SEMA5A: variants seen among roughly 807,000 people sequenced by gnomAD.
SEMA5A encodes semaphorin 5A.
SEMA5A carries 55 observed loss-of-function variants against 135.5 expected under a neutral mutation model. The observed-to-expected ratio is 0.41, with a 90% CI of 0.33 to 0.51. SEMA5A has a LOEUF of 0.51. Ranked by LOEUF, SEMA5A falls within the 20% of genes least tolerant of loss-of-function variation. SEMA5A has a pLI of 0.37. For synonymous variants in SEMA5A, 580 were observed against 546.5 expected (o/e 1.06, Z -0.85); for missense variants, 1,290 against 1,419.9 (o/e 0.91, Z 1.47).
intron 3 of SEMA5A, among the ~76,000 whole-genome samples, chr5:9,360,905 A>G (rs1426747419): frequency 6.6e-6 from 1 of 152,180 alleles, no homozygotes; most frequent in African/African-American, 2.4e-5. Context: ...TAAGTTCTTT[A>G]ACAGCAAAGG....
chr5:9,045,588 G>T (rs1736208184), intron 21 of SEMA5A, among the ~76,000 whole-genome samples: 1 of 152,184 alleles, frequency 6.6e-6, no homozygotes, highest in African/African-American at 2.4e-5. Context: ...CAGCACACAT[G>T]TGTGCTGGTG....
intron 5 of SEMA5A, among the ~76,000 whole-genome samples, chr5:9,265,851 A>G (rs769203483): frequency 6.6e-6 from 1 of 152,174 alleles, no homozygotes; most frequent in African/African-American, 2.4e-5. Flanking sequence ...TTAAGGGCTC[A>G]GCAGGCACAC....
At chr5:9,117,042 T>G (rs1456237634) in intron 15 of SEMA5A, among the ~76,000 whole-genome samples, 2 of 152,226 alleles carry the variant, frequency 1.3e-5, no homozygotes, top group Non-Finnish European at 2.9e-5. Context: ...CATCTATTAT[T>G]TAATTTCACG....
At chr5:9,215,194 A>C (rs1805961) in intron 8 of SEMA5A, among the ~76,000 whole-genome samples, 63,323 of 152,066 alleles carry the variant, frequency 0.42, 13,558 homozygotes, top group South Asian at 0.57. Flanking sequence ...AATGGAGATG[A>C]TATGGCTGAT....
intron 1 of SEMA5A, among the ~76,000 whole-genome samples, chr5:9,541,791 C>G (rs904134456): frequency 6.6e-6 from 1 of 152,196 alleles, no homozygotes; most frequent in Non-Finnish European, 1.5e-5. Context: ...ATTTCATGCA[C>G]AAGGTGAAAT....
At chr5:9,282,992 C>T (rs1750618672) in intron 5 of SEMA5A, among the ~76,000 whole-genome samples, 1 of 152,176 alleles carries the variant, frequency 6.6e-6, no homozygotes, top group Non-Finnish European at 1.5e-5. Flanking sequence ...GGAACCAGAC[C>T]TGCCAACACC....
At position 9,224,582 on chromosome 5, in the gene SEMA5A, T is replaced by C; in HGVS notation, c.646+92A>G. On this transcript the variant is annotated intron_variant, in intron 8 of 22. Transcript: ENST00000382496. Reference sequence around the variant, plus strand: ...TCTTTAGAAGATGAAGAATTCATTTTTATTTAGAGTGTTGTAGTTTGCTTT... The same window carrying C: ...TCTTTAGAAGATGAAGAATTCATTTCTATTTAGAGTGTTGTAGTTTGCTTT... The C allele has an allele frequency of 1.4e-5, 15 of 1,108,208 alleles. No homozygotes were observed. The South Asian group carries it at 2.1e-4, about 15-fold the overall frequency. The allele number at this position is 1,108,208 out of a possible 1,614,324, so 68.6% of individuals were successfully genotyped here.
At chr5:9,157,835 A>G (rs1293325581) in intron 11 of SEMA5A, among the ~76,000 whole-genome samples, 5 of 152,174 alleles carry the variant, frequency 3.3e-5, no homozygotes, top group African/African-American at 9.7e-5. Flanking sequence ...TAGAAGAGAC[A>G]CCCCGAAAAA....
At chr5:9,354,256 C>G (rs1754346533) in intron 3 of SEMA5A, among the ~76,000 whole-genome samples, 1 of 152,188 alleles carries the variant, frequency 6.6e-6, no homozygotes, top group Admixed American at 6.5e-5. Flanking sequence ...AATAGTCACT[C>G]TTGTTTCCCA....
At chr5:9,220,999 A>T (rs1241335320) in intron 8 of SEMA5A, among the ~76,000 whole-genome samples, 1 of 151,936 alleles carries the variant, frequency 6.6e-6, no homozygotes, top group Non-Finnish European at 1.5e-5. Context: ...CTTACCCTCC[A>T]CTCCTCCTGT....
At chr5:9,263,854 C>T (rs922217077) in intron 5 of SEMA5A, among the ~76,000 whole-genome samples, 2 of 152,178 alleles carry the variant, frequency 1.3e-5, no homozygotes, top group African/African-American at 4.8e-5. Context: ...TCTCAATGTG[C>T]ACTGCATTTA....
intron 1 of SEMA5A, among the ~76,000 whole-genome samples, chr5:9,455,959 G>C (rs998017846): frequency 1.3e-5 from 2 of 152,148 alleles, no homozygotes; most frequent in Non-Finnish European, 2.9e-5. Context: ...ACATTATGGA[G>C]AATCTCAAAT....
chr5:9,382,324 A>G (rs1451143700), intron 2 of SEMA5A, among the ~76,000 whole-genome samples: 1 of 151,928 alleles, frequency 6.6e-6, no homozygotes, highest in Non-Finnish European at 1.5e-5. Context: ...AAATAAATGA[A>G]TACATAAAAG....
intron 6 of SEMA5A, among the ~76,000 whole-genome samples, chr5:9,235,970 A>G (rs1200397027): frequency 6.6e-6 from 1 of 152,162 alleles, no homozygotes; most frequent in Non-Finnish European, 1.5e-5. Context: ...ATGAAGGGGA[A>G]GCAAGACACG....
chr5:9,362,299 T>A (rs1252310180), intron 3 of SEMA5A, among the ~76,000 whole-genome samples: 1 of 152,064 alleles, frequency 6.6e-6, no homozygotes, highest in Non-Finnish European at 1.5e-5. Context: ...TGACCTCTCT[T>A]TTTTATTTCT....
intron 5 of SEMA5A, among the ~76,000 whole-genome samples, chr5:9,298,240 G>A (rs1751437865): frequency 6.6e-6 from 1 of 152,210 alleles, no homozygotes; most frequent in Non-Finnish European, 1.5e-5. Flanking sequence ...AGAGGAAAGA[G>A]GATGTGAAGA....
At chr5:9,291,916 C>T (rs990592695) in intron 5 of SEMA5A, among the ~76,000 whole-genome samples, 2 of 152,112 alleles carry the variant, frequency 1.3e-5, no homozygotes, top group African/African-American at 4.8e-5. Flanking sequence ...CATTATTTTG[C>T]TACAAGTAAG....
At chr5:9,069,582 C>A (rs1206213080) in intron 16 of SEMA5A, among the ~76,000 whole-genome samples, 4 of 152,086 alleles carry the variant, frequency 2.6e-5, no homozygotes, top group Non-Finnish European at 1.5e-5. Context: ...ACTCACAATG[C>A]ATTTATTTTT....
At chr5:9,479,735 C>T (rs1759804100) in intron 1 of SEMA5A, among the ~76,000 whole-genome samples, 1 of 152,120 alleles carries the variant, frequency 6.6e-6, no homozygotes, top group South Asian at 2.1e-4. Flanking sequence ...TGCTATTTCC[C>T]CATCAAGAAT....
Sources: allele counts gnomAD v4.1 joint callset (sites outside exome capture counted in the v4.1 genomes callset), GRCh38; gene constraint gnomAD v4.1.1; transcripts MANE v1.5; gene names NCBI Gene and HGNC (gene_info 2026-07-23, HGNC 2026-07-21).